NARS2: variants seen among roughly 807,000 people sequenced by gnomAD.
The protein encoded by NARS2 is asparaginyl-tRNA synthetase.
A neutral mutation model predicts 62.9 loss-of-function variants in NARS2; 60 were observed. The ratio of observed to expected loss-of-function variants is 0.95; its 90% CI spans 0.77 to 1.18. NARS2 has a LOEUF of 1.18. Among genes scored for constraint, NARS2 ranks in the 50% most tolerant of loss-of-function variants. NARS2 has a pLI of 0.00. For synonymous variants in NARS2, 196 were observed against 200.0 expected (o/e 0.98, Z 0.17); for missense variants, 619 against 576.4 (o/e 1.07, Z -0.76).
At chr11:78,512,592 A>G (rs1860758702) in intron 6 of NARS2, among the ~76,000 whole-genome samples, 1 of 152,192 alleles carries the variant, frequency 6.6e-6, no homozygotes, top group Non-Finnish European at 1.5e-5. Flanking sequence ...AAACTAGTAT[A>G]TAAAGTAGCC....
At chr11:78,488,679 T>C (rs989206818) in intron 7 of NARS2, among the ~76,000 whole-genome samples, 4 of 152,170 alleles carry the variant, frequency 2.6e-5, no homozygotes, top group Admixed American at 2.6e-4. Flanking sequence ...ATGGCAACTA[T>C]AAGATAAAGG....
chr11:78,490,192 A>G (rs1401122984), intron 7 of NARS2, among the ~76,000 whole-genome samples: 1 of 152,202 alleles, frequency 6.6e-6, no homozygotes, highest in Non-Finnish European at 1.5e-5. Context: ...GACACCTATT[A>G]TGCAACTCTC....
chr11:78,566,421 T>G, intron 3 of NARS2, 149 bp from the exon 4 acceptor site: 1 of 628,430 alleles, frequency 1.6e-6, no homozygotes, highest in Non-Finnish European at 2.5e-6. Flanking sequence ...TTAATCCACA[T>G]TATTTCCACC....
intron 6 of NARS2, among the ~76,000 whole-genome samples, chr11:78,525,259 T>A (rs1861255137): frequency 6.6e-6 from 1 of 151,890 alleles, no homozygotes; most frequent in Admixed American, 6.6e-5. Context: ...CAACTAGGAG[T>A]GAATGCTCGT....
chr11:78,479,183 A>C (rs1455262300), intron 7 of NARS2, among the ~76,000 whole-genome samples: 1 of 152,236 alleles, frequency 6.6e-6, no homozygotes, highest in Non-Finnish European at 1.5e-5. Context: ...CAACTTTAAA[A>C]TTACAGAAAT....
chr11:78,478,548 A>C, intron 8 of NARS2, 37 bp downstream of exon 8: 1 of 1,379,040 alleles, frequency 7.3e-7, no homozygotes, highest in Non-Finnish European at 1.0e-6. Flanking sequence ...CACATTAAAC[A>C]GTAGATGTAT....
In NARS2 at chr11:78,505,323, CAT is replaced by C. The variant is rs1260627761; in HGVS notation, c.690-12130_690-12129del. On this transcript the variant is annotated intron_variant, in intron 6 of 13. Coordinates refer to ENST00000281038, the MANE Select transcript of NARS2 (RefSeq NM_024678.6). ...ACACACACACACACACACACACACA[CAT>C]ACGTATGTATATATCTTATGTTAAA... Among the ~76,000 whole-genome samples, 216 of 108,258 alleles carry C rather than the reference CAT, an allele frequency of 2.0e-3. 2 individuals are homozygous for C. The highest frequency in any genetic ancestry group is 6.2e-3 in the African/African-American group (162 of 25,992). 71.0% of individuals were successfully genotyped at this position (108,258 alleles called of 152,430 possible). A position where few individuals can be genotyped will look rare whatever the true frequency, so the allele number is the denominator to read the frequency against.
At chr11:78,538,287 G>A (rs912016540) in intron 5 of NARS2, among the ~76,000 whole-genome samples, 1 of 152,116 alleles carries the variant, frequency 6.6e-6, no homozygotes, top group Non-Finnish European at 1.5e-5. Flanking sequence ...GCCTAGACTA[G>A]TAAAAATGAC....
intron 11 of NARS2, among the ~76,000 whole-genome samples, chr11:78,465,063 G>C (rs1156937299): frequency 2.0e-5 from 3 of 152,344 alleles, no homozygotes; most frequent in Admixed American, 2.0e-4. Context: ...AGGAGCCCAC[G>C]GAGGGGTGGG....
intron 11 of NARS2, among the ~76,000 whole-genome samples, chr11:78,452,970 A>G (rs1029069202): frequency 2.6e-5 from 4 of 152,352 alleles, no homozygotes; most frequent in South Asian, 2.1e-4. Flanking sequence ...AATGAGTTAC[A>G]TAATGAACAG....
intron 6 of NARS2, 42 bp from the exon 7 acceptor site, chr11:78,493,237 A>T (rs767704498): frequency 2.6e-6 from 4 of 1,518,426 alleles, no homozygotes; most frequent in Non-Finnish European, 3.5e-6. Context: ...AATTCACATG[A>T]TTAATTTTAA....
At chr11:78,542,079 A>G (rs2135463890) in intron 5 of NARS2, among the ~76,000 whole-genome samples, 1 of 152,328 alleles carries the variant, frequency 6.6e-6, no homozygotes. Context: ...CTGCTAGTAT[A>G]AAAATAATCT....
intron 6 of NARS2, among the ~76,000 whole-genome samples, chr11:78,523,908 A>T (rs1861212944): frequency 6.6e-6 from 1 of 152,162 alleles, no homozygotes; most frequent in Non-Finnish European, 1.5e-5. Flanking sequence ...GTATTCTAAA[A>T]TTATGTCAGT....
At chr11:78,535,523 T>C (rs956060033) in intron 5 of NARS2, among the ~76,000 whole-genome samples, 2 of 152,240 alleles carry the variant, frequency 1.3e-5, no homozygotes, top group Non-Finnish European at 2.9e-5. Context: ...TTTTTGTCAT[T>C]ATTGTGTTTT....
chr11:78,563,123 T>G (rs78174259), intron 4 of NARS2, among the ~76,000 whole-genome samples: 2,303 of 152,102 alleles, frequency 0.015, 54 homozygotes, highest in African/African-American at 0.053. Context: ...TTACAAATAC[T>G]AAGTGAATTT....
intron 9 of NARS2, among the ~76,000 whole-genome samples, chr11:78,477,647 G>A (rs1014990235): frequency 3.3e-5 from 5 of 152,114 alleles, no homozygotes; most frequent in African/African-American, 1.2e-4. Context: ...TTTTTTGGAT[G>A]AAATTAATGT....
chr11:78,494,557 A>G (rs1461678028), intron 6 of NARS2, among the ~76,000 whole-genome samples: 1 of 151,058 alleles, frequency 6.6e-6, no homozygotes, highest in Non-Finnish European at 1.5e-5. Flanking sequence ...TTCTCTCTCA[A>G]TTGCCATTTC....
intron 9 of NARS2, among the ~76,000 whole-genome samples, chr11:78,472,303 G>C (rs959665468): frequency 5.3e-5 from 8 of 152,154 alleles, no homozygotes; most frequent in African/African-American, 1.9e-4. Flanking sequence ...CTGTGGTAGA[G>C]AATGATACAG....
intron 11 of NARS2, among the ~76,000 whole-genome samples, chr11:78,460,653 G>T (rs1168483714): frequency 6.6e-6 from 1 of 152,210 alleles, no homozygotes; most frequent in African/African-American, 2.4e-5. Context: ...TATCTGGCAT[G>T]TACAATTAGA....
Sources: gnomAD v4.1 joint callset for allele counts (sites outside exome capture counted in the v4.1 genomes callset) on GRCh38, gnomAD v4.1.1 for gene constraint, MANE v1.5 for transcripts, NCBI Gene and HGNC (gene_info 2026-07-23, HGNC 2026-07-21) for gene names.